The following TBC1D2 variants were observed in gnomAD, a reference collection of about 807,000 sequenced individuals.
TBC1D2 encodes TBC1 domain family member 2A.
Under a neutral mutation model 91.1 loss-of-function variants are expected in TBC1D2, and 58 were observed. The ratio of observed to expected loss-of-function variants is 0.64; its 90% CI spans 0.52 to 0.79. The LOEUF is 0.79. Among genes scored for constraint, TBC1D2 ranks in the 30% least tolerant of loss-of-function variants. TBC1D2 has a pLI of 0.00. For missense variants in TBC1D2, 1,080 were observed against 1,208.3 expected (o/e 0.89, Z 1.57); for synonymous variants, 482 against 511.5 (o/e 0.94, Z 0.78).
intron 2 of TBC1D2, among the ~76,000 whole-genome samples, chr9:98,244,659 C>CAAA (rs59871511): frequency 0.22 from 10,216 of 46,860 alleles, 1,305 homozygotes; most frequent in Non-Finnish European, 0.31. Flanking sequence ...AACTCCGTCT[C>CAAA]AAAAAAAAAA....
intron 9 of TBC1D2, 33 bp from the exon 10 acceptor site, chr9:98,203,441 A>G (rs1397254299): frequency 3.1e-6 from 5 of 1,611,250 alleles, no homozygotes; most frequent in Non-Finnish European, 4.2e-6. Context: ...GAGTGATTAC[A>G]GAAGCCGTGG....
In TBC1D2 at chr9:98,251,929, G is replaced by T; in HGVS notation, c.370-3C>A. ...AGCATCGCTTGCTTGGTGGCGGCCT[G>T]AGAAGCACAAGGATTAGTTGGCAAG... On this transcript the variant is annotated splice_polypyrimidine_tract_variant and splice_region_variant and intron_variant, in intron 1 of 12. Coordinates refer to ENST00000465784, the MANE Select transcript of TBC1D2 (RefSeq NM_001267571.2). 1 of 1,598,964 alleles carries T rather than the reference G, an allele frequency of 6.3e-7. No individual in the cohort carries two copies. The highest frequency in any genetic ancestry group is 8.5e-7 in the Non-Finnish European group (1 of 1,173,990).
At chr9:98,221,320 CCG>C (rs1829097792) in intron 5 of TBC1D2, 92 bp from the exon 6 acceptor site, 2 of 1,409,384 alleles carry the variant, frequency 1.4e-6, no homozygotes, top group African/African-American at 1.4e-5. Context: ...CTCCTAACAA[CCG>C]TGAGAGGTGC....
rs529200795 is a variant in TBC1D2 at position 98,202,440 on chromosome 9, G to A, written c.2272-776C>T. Among the ~76,000 whole-genome samples, 10 of 152,258 alleles carry A rather than the reference G, an allele frequency of 6.6e-5. No individual in the cohort carries two copies. The East Asian group carries it at 1.7e-3, about 26-fold the overall frequency. ...CTTATGTCCTCTTCCAGGCATTAGC[G>A]TCAGCTGTGGCAAACAGCCAGTAGC... On this transcript the variant is annotated intron_variant, in intron 10 of 12. Coordinates refer to ENST00000465784, the MANE Select transcript of TBC1D2 (RefSeq NM_001267571.2).
chr9:98,251,998 G>A, intron 1 of TBC1D2, 72 bp from the exon 2 acceptor site: 5 of 1,525,144 alleles, frequency 3.3e-6, no homozygotes, highest in Non-Finnish European at 4.4e-6. Context: ...AAGAGGGGAA[G>A]GTTGTGGGAG....
intron 3 of TBC1D2, chr9:98,235,479 T>A: frequency 2.2e-6 from 1 of 458,670 alleles, no homozygotes; most frequent in South Asian, 1.7e-5. Context: ...GATAAAGAAA[T>A]GTGCTACTAT....
chr9:98,241,071 A>C (rs1355599398), intron 3 of TBC1D2, among the ~76,000 whole-genome samples: 1 of 152,146 alleles, frequency 6.6e-6, no homozygotes, highest in Non-Finnish European at 1.5e-5. Flanking sequence ...CACTGGATGG[A>C]CCCTTCCATG....
chr9:98,212,141 T>C lies in TBC1D2; in HGVS notation c.1485+967A>G, dbSNP rs1349157677. On this transcript the variant is annotated intron_variant, in intron 7 of 12. Transcript: ENST00000465784. Reference sequence around the variant, plus strand: ...TGCTGATTCCAAACAATCTCCCTACTTCCAGGCCCACCTTCTCAAGCCCAC... The same window carrying C: ...TGCTGATTCCAAACAATCTCCCTACCTCCAGGCCCACCTTCTCAAGCCCAC... 3.3e-5 allele frequency among the ~76,000 whole-genome samples: 5 copies of C among 152,070 alleles called. No individual in the cohort carries two copies. The East Asian group carries it at 9.7e-4, about 29-fold the overall frequency.
chr9:98,235,292 T>C (rs1829477079), intron 3 of TBC1D2: 3 of 387,574 alleles, frequency 7.7e-6, no homozygotes, highest in Non-Finnish European at 5.2e-6. Context: ...CGCTATTGTT[T>C]ACATAACAGA....
At chr9:98,242,168 G>A (rs1408224246) in intron 3 of TBC1D2, among the ~76,000 whole-genome samples, 2 of 152,264 alleles carry the variant, frequency 1.3e-5, no homozygotes, top group African/African-American at 4.8e-5. Context: ...CAGGCTGGGC[G>A]TGGTGGCTCA....
chr9:98,254,959 T>C (rs1029879006), intron 1 of TBC1D2, among the ~76,000 whole-genome samples: 11 of 152,172 alleles, frequency 7.2e-5, no homozygotes, highest in African/African-American at 2.7e-4. Flanking sequence ...TCTGACTCAG[T>C]TTCTTGATCC....
chr9:98,216,251 G>A (rs779739901), intron 6 of TBC1D2, among the ~76,000 whole-genome samples: 1 of 152,192 alleles, frequency 6.6e-6, no homozygotes, highest in African/African-American at 2.4e-5. Flanking sequence ...CAACGTGAGC[G>A]TGAGCATCGT....
intron 11 of TBC1D2, 89 bp from the exon 12 acceptor site, chr9:98,200,463 T>C: frequency 6.4e-6 from 8 of 1,247,374 alleles, no homozygotes; most frequent in Non-Finnish European, 8.8e-6. Flanking sequence ...TTGGGCAGTA[T>C]GGAAGACCCT....
chr9:98,202,189 C>T (rs1828525478), intron 10 of TBC1D2, among the ~76,000 whole-genome samples: 1 of 152,190 alleles, frequency 6.6e-6, no homozygotes, highest in African/African-American at 2.4e-5. Flanking sequence ...CCTGCCTCGC[C>T]GGACATCAAG....
intron 3 of TBC1D2, among the ~76,000 whole-genome samples, chr9:98,240,550 C>T (rs536717222): frequency 6.6e-6 from 1 of 152,276 alleles, no homozygotes; most frequent in Non-Finnish European, 1.5e-5. Context: ...TTTCACAAAC[C>T]ACAAGTCACA....
At position 98,228,739 on chromosome 9, in the gene TBC1D2, C is replaced by T. The variant is rs1308747091; in HGVS notation, c.978+213G>A. On this transcript the variant is annotated intron_variant, in intron 5 of 12. Coordinates refer to ENST00000465784, the MANE Select transcript of TBC1D2 (RefSeq NM_001267571.2). The surrounding 1 kb of genome is among the most constrained non-coding windows in gnomAD (Gnocchi z 4.0). ...TTATTAGAGTAGATCTCCAGAGATACCTGCCCTTGGTGCCCTTTTGTGACT... is the reference window on the plus strand; with the variant it reads ...TTATTAGAGTAGATCTCCAGAGATATCTGCCCTTGGTGCCCTTTTGTGACT... 6.6e-6 allele frequency among the ~76,000 whole-genome samples: 1 copy of T among 152,098 alleles called. No homozygotes were observed. Among genetic ancestry groups the T allele is most frequent in the Non-Finnish European group, 1.5e-5 (1 of 68,006 alleles).
At chr9:98,199,666 C>T in intron 12 of TBC1D2, 78 bp from the exon 13 acceptor site, 1 of 1,474,034 alleles carries the variant, frequency 6.8e-7, no homozygotes, top group Non-Finnish European at 9.5e-7. Flanking sequence ...AGACAGACAT[C>T]CCCGCATTCC....
At chr9:98,205,812 T>C (rs1191046218) in intron 9 of TBC1D2, among the ~76,000 whole-genome samples, 1 of 152,100 alleles carries the variant, frequency 6.6e-6, no homozygotes, top group Non-Finnish European at 1.5e-5. Context: ...TCCACCCACC[T>C]CGGCCCCTCA....
In TBC1D2 at chr9:98,220,972, TG is replaced by T. The variant is rs1287770059; in HGVS notation, c.1234del (p.His412ThrfsTer37). 6.2e-7 allele frequency: 1 copy of T among 1,614,154 alleles called. No homozygotes were observed. Among genetic ancestry groups the T allele is most frequent in the Admixed American group, 1.7e-5 (1 of 60,024 alleles). ...CTTGCAGATGACCTGCTGCTTGGCG[TG>T]GTTCTTGTCCATAAGCAGCTGCACG... Reference protein sequence around the residue: ...QHVQLLMDKNHAKQQVICKLS... With the variant: ...QHVQLLMDKNXAKQQVICKLS... On this transcript the variant is annotated frameshift_variant, in exon 6 of 13. Transcript: ENST00000465784. LOFTEE classifies it high-confidence loss of function.
Sources: allele counts gnomAD v4.1 joint callset (sites outside exome capture counted in the v4.1 genomes callset), GRCh38; gene constraint gnomAD v4.1.1; non-coding constraint Gnocchi (gnomAD v3.1); transcripts MANE v1.5; gene names NCBI Gene and HGNC (gene_info 2026-07-23, HGNC 2026-07-21).